The following AUTS2 variants were observed in gnomAD, a reference collection of about 807,000 sequenced individuals.
AUTS2 encodes activator of transcription and developmental regulator AUTS2.
AUTS2 carries 17 observed loss-of-function variants against 112.4 expected under a neutral mutation model. The ratio of observed to expected loss-of-function variants is 0.15; its 90% confidence interval spans 0.10 to 0.23. AUTS2 has a LOEUF of 0.23. Among genes scored for constraint, AUTS2 ranks in the 10% least tolerant of loss-of-function variants. AUTS2 has a pLI of 1.00. For synonymous variants in AUTS2, 751 were observed against 702.7 expected (o/e 1.07, Z -1.09); for missense variants, 1,510 against 1,701.6 (o/e 0.89, Z 1.98).
chr7:70,321,087 C>A (rs1018147640), intron 4 of AUTS2, among the ~76,000 whole-genome samples: 2 of 152,204 alleles, frequency 1.3e-5, no homozygotes, highest in Non-Finnish European at 2.9e-5. Context: ...CTAAGTGCTT[C>A]ACCCATGTTA....
intron 5 of AUTS2, among the ~76,000 whole-genome samples, chr7:70,574,534 G>C (rs1802080379): frequency 6.6e-6 from 1 of 152,164 alleles, no homozygotes; most frequent in East Asian, 1.9e-4. Context: ...AGCAACGTTT[G>C]AACTCCTGTT....
intron 5 of AUTS2, among the ~76,000 whole-genome samples, chr7:70,588,696 C>T (rs927986183): frequency 2.0e-5 from 3 of 152,008 alleles, no homozygotes; most frequent in Non-Finnish European, 4.4e-5. Context: ...GACTTGTAGC[C>T]GTTTTTAAAC....
chr7:70,775,804 ACCT>A (rs1790649471), intron 13 of AUTS2, among the ~76,000 whole-genome samples: 1 of 151,962 alleles, frequency 6.6e-6, no homozygotes, highest in South Asian at 2.1e-4. Flanking sequence ...TAGCCGTTTG[ACCT>A]CCTTTTAAGG....
chr7:69,791,967 G>A (rs988876313), intron 1 of AUTS2, among the ~76,000 whole-genome samples: 2 of 152,136 alleles, frequency 1.3e-5, no homozygotes. Flanking sequence ...AGTCCTCCTG[G>A]AGTAGGAGGC....
At chr7:70,764,430 G>A (rs546620737) in intron 7 of AUTS2, among the ~76,000 whole-genome samples, 1 of 152,284 alleles carries the variant, frequency 6.6e-6, no homozygotes, top group East Asian at 1.9e-4. Context: ...GAAGGCTGGG[G>A]ATTTTCTAGG....
chr7:69,899,254 C>A, intron 1 of AUTS2, 32 bp from the exon 2 acceptor site: 1 of 1,549,046 alleles, frequency 6.5e-7, no homozygotes, highest in Non-Finnish European at 8.9e-7. Flanking sequence ...TTTGTAACCA[C>A]CACTTCCCTT....
At chr7:69,719,632 G>A (rs1419620567) in intron 1 of AUTS2, among the ~76,000 whole-genome samples, 3 of 152,156 alleles carry the variant, frequency 2.0e-5, no homozygotes, top group African/African-American at 7.2e-5. Context: ...GGGATCTTTT[G>A]CCTTAGTGTA....
intron 5 of AUTS2, among the ~76,000 whole-genome samples, chr7:70,514,483 G>A (rs183916754): frequency 1.5e-3 from 225 of 152,350 alleles, no homozygotes; most frequent in Non-Finnish European, 2.0e-3. Flanking sequence ...AAGAGAGGGA[G>A]CAAAAGAGAT....
intron 2 of AUTS2, among the ~76,000 whole-genome samples, chr7:69,939,950 C>A (rs985096083): frequency 1.3e-5 from 2 of 152,214 alleles, no homozygotes; most frequent in Non-Finnish European, 2.9e-5. Flanking sequence ...TTCCACTCAT[C>A]ATAACAACAA....
intron 1 of AUTS2, among the ~76,000 whole-genome samples, chr7:69,831,190 T>G (rs929532811): frequency 2.6e-5 from 4 of 152,202 alleles, no homozygotes; most frequent in Non-Finnish European, 4.4e-5. Context: ...TTTTTTTCTT[T>G]TGAAGGAATA....
intron 4 of AUTS2, among the ~76,000 whole-genome samples, chr7:70,217,644 C>T (rs1435518998): frequency 6.6e-6 from 1 of 152,146 alleles, no homozygotes; most frequent in Non-Finnish European, 1.5e-5. Context: ...TCATCTTCAG[C>T]TTTAGCTCTT....
intron 6 of AUTS2, among the ~76,000 whole-genome samples, chr7:70,749,829 T>C (rs1206489301): frequency 6.6e-6 from 1 of 152,232 alleles, no homozygotes; most frequent in East Asian, 1.9e-4. Flanking sequence ...CAAAGCCTGC[T>C]TCTCAGTGAA....
chr7:70,621,898 G>A (rs1485700502), intron 5 of AUTS2, among the ~76,000 whole-genome samples: 1 of 138,340 alleles, frequency 7.2e-6, no homozygotes, highest in Non-Finnish European at 1.5e-5. Flanking sequence ...CCAAGCTGGA[G>A]TGCAGTGGTG....
chr7:70,335,120 A>G (rs1790929918), intron 4 of AUTS2, among the ~76,000 whole-genome samples: 1 of 152,104 alleles, frequency 6.6e-6, no homozygotes, highest in African/African-American at 2.4e-5. Flanking sequence ...AAAATGCCAC[A>G]CGTCAGGGAA....
chr7:70,568,435 T>C (rs141542634), intron 5 of AUTS2, among the ~76,000 whole-genome samples: 1 of 152,374 alleles, frequency 6.6e-6, no homozygotes, highest in East Asian at 1.9e-4. Context: ...GTTAAAGTGT[T>C]CGCAGTTGTT....
intron 6 of AUTS2, among the ~76,000 whole-genome samples, chr7:70,744,193 A>G (rs1788294964): frequency 6.6e-6 from 1 of 152,200 alleles, no homozygotes; most frequent in Non-Finnish European, 1.5e-5. Flanking sequence ...TGTGGTGTTG[A>G]AAGTACTGTC....
At chr7:70,299,475 T>TAAAA (rs1562861803) in intron 4 of AUTS2, among the ~76,000 whole-genome samples, 1 of 152,198 alleles carries the variant, frequency 6.6e-6, no homozygotes, top group Non-Finnish European at 1.5e-5. Context: ...ACTTACGGTT[T>TAAAA]CTCCTCTCTC....
intron 5 of AUTS2, among the ~76,000 whole-genome samples, chr7:70,537,080 A>G (rs1479087678): frequency 2.0e-5 from 3 of 152,180 alleles, no homozygotes; most frequent in African/African-American, 7.2e-5. Flanking sequence ...CCCAGGCTCC[A>G]TGCACATTCA....
rs540307533 is a variant in AUTS2, at chr7:69,752,067, G to A, written c.310-147219G>A. Among the ~76,000 whole-genome samples the A allele has an allele frequency of 6.6e-5, 10 of 151,920 alleles. No individual in the cohort carries two copies. The South Asian group carries it at 2.1e-3, about 32-fold the overall frequency. ...TAATGTGGTCCAAAATCCACCCCCC[G>A]CCCCACACCCGGCCTTAATGCCCAG... On this transcript the variant is annotated intron_variant, in intron 1 of 18. Transcript: ENST00000342771.
Sources: allele counts gnomAD v4.1 joint callset (sites outside exome capture counted in the v4.1 genomes callset), GRCh38; gene constraint gnomAD v4.1.1; transcripts MANE v1.5; gene names NCBI Gene and HGNC (gene_info 2026-07-23, HGNC 2026-07-21).